HOOK1: variants seen among roughly 807,000 people sequenced by gnomAD.
The protein encoded by HOOK1 is protein Hook homolog 1.
A neutral mutation model predicts 112.8 loss-of-function variants in HOOK1; 60 were observed. The observed-to-expected ratio is 0.53, with a 90% CI of 0.43 to 0.66. HOOK1 has a LOEUF of 0.66. HOOK1 is among the 30% of genes least tolerant of loss of function. HOOK1 has a pLI of 0.00. For missense variants in HOOK1, 770 were observed against 856.0 expected (o/e 0.90, Z 1.25); for synonymous variants, 294 against 283.8 (o/e 1.04, Z -0.36).
intron 1 of HOOK1, among the ~76,000 whole-genome samples, chr1:59,817,831 C>G (rs994142629): frequency 6.6e-6 from 1 of 152,178 alleles, no homozygotes; most frequent in Non-Finnish European, 1.5e-5. Flanking sequence ...TCTGTCTTAT[C>G]TATAACACAG....
At chr1:59,849,336 ATCT>A (rs1293340828) in intron 12 of HOOK1, among the ~76,000 whole-genome samples, 153 bp downstream of exon 12, 2 of 151,554 alleles carry the variant, frequency 1.3e-5, no homozygotes, top group Non-Finnish European at 3.0e-5. Context: ...AATGACTTAC[ATCT>A]TCTTTCAATT....
chr1:59,832,468 A>G (rs908903369), intron 4 of HOOK1, among the ~76,000 whole-genome samples: 9 of 152,116 alleles, frequency 5.9e-5, no homozygotes, highest in Admixed American at 5.2e-4. Flanking sequence ...CATCTTTAAT[A>G]TATTTGATTT....
At position 59,853,982 on chromosome 1, in the gene HOOK1, T is replaced by TA. The variant is rs1229915367; in HGVS notation, c.1243-4441dup. On this transcript the variant is annotated intron_variant, in intron 12 of 21. Coordinates refer to ENST00000371208, the MANE Select transcript of HOOK1 (RefSeq NM_015888.6). ...AAATCAAATTGTAGACTAAAAGAGT[T>TA]AAAAATACATTAATCTTAAATATAT... 3.3e-5 allele frequency among the ~76,000 whole-genome samples: 4 copies of TA among 122,600 alleles called. No individual in the cohort carries two copies. In the Admixed American group the frequency reaches 3.8e-4, roughly 12 times the overall value. 80.4% of individuals were successfully genotyped at this position (122,600 alleles called of 152,430 possible).
chr1:59,840,684 A>C (rs1490231924), intron 8 of HOOK1, among the ~76,000 whole-genome samples: 1 of 152,100 alleles, frequency 6.6e-6, no homozygotes, highest in Admixed American at 6.6e-5. Flanking sequence ...TGGGAAAGTT[A>C]AAGTTTCTAC....
At chr1:59,849,438 G>T (rs2098405954) in intron 12 of HOOK1, among the ~76,000 whole-genome samples, 1 of 151,582 alleles carries the variant, frequency 6.6e-6, no homozygotes, top group Non-Finnish European at 1.5e-5. Flanking sequence ...ACTGTCAGTT[G>T]CATGGGATCA....
At chr1:59,833,667 A>C (rs1161497913) in intron 5 of HOOK1, 130 bp downstream of exon 5, 3 of 695,416 alleles carry the variant, frequency 4.3e-6, no homozygotes, top group Non-Finnish European at 6.5e-6. Context: ...AGAAGATCTG[A>C]ATTCTAGCCC....
Position 59,874,985 on chromosome 1 carries a change from G to A in HOOK1, c.*2020G>A, listed in dbSNP as rs1210740964. 6.6e-6 allele frequency: 1 copy of A among 152,508 alleles called. No individual in the cohort carries two copies. The highest frequency in any genetic ancestry group is 1.5e-5 in the Non-Finnish European group (1 of 67,990). The allele number at this position is 152,508 out of a possible 1,614,324, so 9.4% of individuals were successfully genotyped here. On this transcript the variant is annotated 3_prime_UTR_variant, in exon 22 of 22. Transcript: ENST00000371208. ...TTGAGTTTCATTTTCATATATTCTT[G>A]TAGTGTCTGCTTGCCTGTGACTTCT...
At chr1:59,864,447 T>A (rs897290218) in intron 16 of HOOK1, among the ~76,000 whole-genome samples, 185 bp from the exon 17 acceptor site, 2 of 152,030 alleles carry the variant, frequency 1.3e-5, no homozygotes, top group African/African-American at 4.8e-5. Context: ...CCTTTCCTTT[T>A]TGAAGTAAAA....
intron 6 of HOOK1, among the ~76,000 whole-genome samples, chr1:59,835,984 A>G (rs2098397379): frequency 6.6e-6 from 1 of 152,052 alleles, no homozygotes; most frequent in Non-Finnish European, 1.5e-5. Context: ...AATAACTTCA[A>G]CTAAGCAGGA....
At chr1:59,855,966 T>TATATATATATA (rs1553464155) in intron 12 of HOOK1, among the ~76,000 whole-genome samples, 5 of 71,258 alleles carry the variant, frequency 7.0e-5, no homozygotes, top group East Asian at 3.6e-4. Flanking sequence ...ATATAAATTA[T>TATATATATATA]TATATATATA....
rs58867974 is a variant in HOOK1 at position 59,873,725 on chromosome 1, C to CTATATATATA, written c.*791_*800dup. ...AGGTGACTTTCTGATGGAAAGCAAGCTATATATATATATATATATATATAT... is the reference window on the plus strand; with the variant it reads ...AGGTGACTTTCTGATGGAAAGCAAGCTATATATATATATATATATATATATATATATATAT... On this transcript the variant is annotated 3_prime_UTR_variant, in exon 22 of 22. Transcript: ENST00000371208. The CTATATATATA allele has an allele frequency of 3.5e-3, 194 of 56,212 alleles. 10 individuals carry two copies. Among genetic ancestry groups the CTATATATATA allele is most frequent in the East Asian group, 7.1e-3 (9 of 1,268 alleles). 3.5% of individuals were successfully genotyped at this position (56,212 alleles called of 1,614,324 possible). A position where few individuals can be genotyped will look rare whatever the true frequency, so the allele number is the denominator to read the frequency against.
intron 7 of HOOK1, among the ~76,000 whole-genome samples, chr1:59,838,167 G>C (rs934953149): frequency 6.6e-6 from 1 of 152,140 alleles, no homozygotes; most frequent in Admixed American, 6.5e-5. Context: ...GTGTGCATTT[G>C]TCTTTGTAGT....
chr1:59,843,514 C>T lies in HOOK1; in HGVS notation c.704C>T (p.Ser235Phe). Reference sequence around the variant, plus strand: ...GAAAAACTTGACCAGTTGGATGGCTCTTTTGATGATCCAAACACAGTGGTT... The same window carrying T: ...GAAAAACTTGACCAGTTGGATGGCTTTTTTGATGATCCAAACACAGTGGTT... ...MNEKLDQLDG[S>F]FDDPNTVVAK... The change falls in exon 9 of 22, where the codon TCT becomes TTT. Residue 235 changes from serine (S) to phenylalanine (F), a missense_variant. Ser to Phe is a radical substitution (Grantham distance 155, BLOSUM62 -2). Coordinates refer to ENST00000371208, the MANE Select transcript of HOOK1 (RefSeq NM_015888.6). 1 of 1,610,108 alleles carries T rather than the reference C, an allele frequency of 6.2e-7. No individual in the cohort carries two copies. Among genetic ancestry groups the T allele is most frequent in the Non-Finnish European group, 8.5e-7 (1 of 1,177,678 alleles).
rs780746250 is a variant in HOOK1, at chr1:59,840,443, A to G, written c.621+52A>G. 4.7e-5 allele frequency: 56 copies of G among 1,188,328 alleles called. 4 individuals carry two copies. The South Asian group carries it at 1.0e-3, about 22-fold the overall frequency. 73.6% of individuals were successfully genotyped at this position (1,188,328 alleles called of 1,614,324 possible). A position where few individuals can be genotyped will look rare whatever the true frequency, so the allele number is the denominator to read the frequency against. On this transcript the variant is annotated intron_variant, in intron 8 of 21. Transcript: ENST00000371208. ...AAAACTTCCTCTTTAAGTTTACAGAAGATTTTTATTGTAATTAATTAGTTA... is the reference window on the plus strand; with the variant it reads ...AAAACTTCCTCTTTAAGTTTACAGAGGATTTTTATTGTAATTAATTAGTTA...
At chr1:59,839,949 A>G (rs928914161) in intron 7 of HOOK1, among the ~76,000 whole-genome samples, 11 of 152,138 alleles carry the variant, frequency 7.2e-5, no homozygotes, top group African/African-American at 2.2e-4. Context: ...TGAGATAATC[A>G]TGTGGTTTTT....
chr1:59,832,019 C>T, intron 3 of HOOK1, 144 bp from the exon 4 acceptor site: 1 of 472,878 alleles, frequency 2.1e-6, no homozygotes, highest in Non-Finnish European at 3.7e-6. Context: ...TAAAAAGCAT[C>T]ATGTGTTTGT....
At chr1:59,842,758 G>T (rs1047468715) in intron 8 of HOOK1, among the ~76,000 whole-genome samples, 1 of 152,154 alleles carries the variant, frequency 6.6e-6, no homozygotes. Flanking sequence ...CATTTTTAAA[G>T]ATGTTTTTAA....
intron 1 of HOOK1, among the ~76,000 whole-genome samples, chr1:59,817,577 A>G (rs559818314): frequency 1.7e-4 from 26 of 152,056 alleles, no homozygotes; most frequent in Non-Finnish European, 3.8e-4. Context: ...ACTCACCTCA[A>G]GCAACAGTTC....
intron 1 of HOOK1, 35 bp downstream of exon 1, chr1:59,815,215 G>A: frequency 6.5e-7 from 1 of 1,533,916 alleles, no homozygotes; most frequent in Non-Finnish European, 8.8e-7. Flanking sequence ...GAGGGGGCCA[G>A]GGGGCCGAGG....
Sources: gnomAD v4.1 joint callset for allele counts (sites outside exome capture counted in the v4.1 genomes callset) on GRCh38, gnomAD v4.1.1 for gene constraint, MANE v1.5 for transcripts, NCBI Gene and HGNC (gene_info 2026-07-23, HGNC 2026-07-21) for gene names.